MAD1L1: variants seen among roughly 807,000 people sequenced by gnomAD.
MAD1L1 encodes the protein mitotic arrest deficient 1 like 1, also known as mitotic spindle assembly checkpoint protein MAD1.
In MAD1L1, 95 loss-of-function variants were observed where a neutral mutation model predicts 96.9. That is an observed-to-expected ratio of 0.98 (90% CI 0.83 to 1.16). The LOEUF is 1.16. MAD1L1 is among the 50% of genes most tolerant of loss of function. The pLI, the probability that MAD1L1 is intolerant of heterozygous loss-of-function variation, is 0.00. For synonymous variants in MAD1L1, 473 were observed against 396.6 expected (o/e 1.19, Z -2.29); for missense variants, 1,007 against 954.4 (o/e 1.06, Z -0.73).
intron 6 of MAD1L1, 97 bp downstream of exon 6, chr7:2,219,235 G>A: frequency 1.7e-6 from 2 of 1,149,364 alleles, no homozygotes; most frequent in Non-Finnish European, 2.4e-6. Context: ...CAGCATCTGG[G>A]AGTGTATCCA....
chr7:1,964,976 G>A (rs566309418), intron 15 of MAD1L1, among the ~76,000 whole-genome samples: 84 of 152,280 alleles, frequency 5.5e-4, no homozygotes, highest in Middle Eastern at 6.8e-3. Context: ...AGCCTCCCAC[G>A]GGTCCCAGAC....
At chr7:2,171,073 A>C (rs371038302) in intron 10 of MAD1L1, among the ~76,000 whole-genome samples, 1 of 152,246 alleles carries the variant, frequency 6.6e-6, no homozygotes, top group East Asian at 1.9e-4. Flanking sequence ...AAAACGGCCC[A>C]ATTTTCCTTG....
intron 10 of MAD1L1, among the ~76,000 whole-genome samples, chr7:2,208,182 G>C (rs1792700714): frequency 6.6e-6 from 1 of 152,218 alleles, no homozygotes; most frequent in South Asian, 2.1e-4. Flanking sequence ...CATGGACTTT[G>C]ATGCCATCAT....
At chr7:2,033,130 A>T (rs1783305112) in intron 12 of MAD1L1, among the ~76,000 whole-genome samples, 1 of 152,168 alleles carries the variant, frequency 6.6e-6, no homozygotes, top group Admixed American at 6.5e-5. Flanking sequence ...CCCCACTCAT[A>T]CACTCGCCAG....
chr7:1,843,159 G>T (rs73046323), intron 18 of MAD1L1, among the ~76,000 whole-genome samples: 1 of 152,048 alleles, frequency 6.6e-6, no homozygotes, highest in Non-Finnish European at 1.5e-5. Context: ...GTGTAATTAG[G>T]GTCTGGGTGC....
intron 17 of MAD1L1, among the ~76,000 whole-genome samples, chr7:1,924,260 C>T (rs1479884630): frequency 2.6e-5 from 4 of 152,206 alleles, no homozygotes; most frequent in Non-Finnish European, 5.9e-5. Context: ...CACAGGAGTC[C>T]TTCTCGCGGC....
intron 18 of MAD1L1, among the ~76,000 whole-genome samples, chr7:1,895,467 G>A (rs1786807402): frequency 6.6e-6 from 1 of 152,184 alleles, no homozygotes; most frequent in African/African-American, 2.4e-5. Flanking sequence ...GCAGCTCTCA[G>A]CCCCGCCTGC....
At chr7:1,817,301 T>C (rs1781863826) in intron 18 of MAD1L1, among the ~76,000 whole-genome samples, 1 of 152,040 alleles carries the variant, frequency 6.6e-6, no homozygotes, top group East Asian at 1.9e-4. Flanking sequence ...GCAGAGTCCA[T>C]GGGCCCAGCA....
chr7:1,971,197 G>A (rs188801839), intron 15 of MAD1L1, among the ~76,000 whole-genome samples: 26 of 152,298 alleles, frequency 1.7e-4, no homozygotes, highest in African/African-American at 5.3e-4. Context: ...AGTGAGCCCC[G>A]CACAAACATC....
intron 11 of MAD1L1, among the ~76,000 whole-genome samples, chr7:2,081,023 C>T (rs531592801): frequency 6.4e-4 from 97 of 152,328 alleles, no homozygotes; most frequent in African/African-American, 2.1e-3. Context: ...CCTGGTTCCC[C>T]GTTCCTGAAG....
intron 12 of MAD1L1, among the ~76,000 whole-genome samples, chr7:2,030,794 C>T (rs1405375980): frequency 2.0e-5 from 3 of 152,218 alleles, no homozygotes; most frequent in African/African-American, 7.2e-5. Flanking sequence ...TGGGAGGCGC[C>T]CTGCTGTCAG....
chr7:1,825,190 C>A (rs1441971278), intron 18 of MAD1L1, among the ~76,000 whole-genome samples: 2 of 152,218 alleles, frequency 1.3e-5, no homozygotes, highest in Admixed American at 6.5e-5. Flanking sequence ...TTCCCCACTG[C>A]GGACACATGC....
intron 12 of MAD1L1, among the ~76,000 whole-genome samples, chr7:2,047,489 C>T (rs1348240037): frequency 6.6e-6 from 1 of 152,228 alleles, no homozygotes; most frequent in Non-Finnish European, 1.5e-5. Context: ...TTTAATACCT[C>T]CCAGTCTGAG....
intron 10 of MAD1L1, among the ~76,000 whole-genome samples, chr7:2,185,549 C>A (rs920392896): frequency 6.6e-5 from 10 of 151,880 alleles, no homozygotes; most frequent in African/African-American, 2.4e-4. Context: ...TTTAAAAGAC[C>A]ACATTGAATG....
chr7:2,051,240 G>A (rs1463980436), intron 12 of MAD1L1, among the ~76,000 whole-genome samples: 18 of 152,206 alleles, frequency 1.2e-4, no homozygotes, highest in Admixed American at 1.2e-3. Context: ...GCTGGATGAT[G>A]CCTGGCCTGG....
intron 13 of MAD1L1, among the ~76,000 whole-genome samples, chr7:2,013,829 G>A (rs528157701): frequency 2.6e-5 from 4 of 152,306 alleles, no homozygotes; most frequent in South Asian, 2.1e-4. Context: ...CGTGGCCTCC[G>A]CCCAGGCCCT....
intron 10 of MAD1L1, among the ~76,000 whole-genome samples, chr7:2,153,002 A>T (rs1789655970): frequency 6.6e-6 from 1 of 152,208 alleles, no homozygotes; most frequent in African/African-American, 2.4e-5. Context: ...AGTGTCAATC[A>T]AAAGAAAATG....
intron 9 of MAD1L1, 81 bp downstream of exon 9, chr7:2,215,804 G>A (rs570579506): frequency 1.6e-6 from 2 of 1,279,370 alleles, no homozygotes; most frequent in East Asian, 2.3e-5. Flanking sequence ...TGAGCAGCTG[G>A]TGGGCGTGAC....
At chr7:2,216,593 C>G (rs1393399292) in intron 7 of MAD1L1, among the ~76,000 whole-genome samples, 1 of 152,066 alleles carries the variant, frequency 6.6e-6, no homozygotes, top group Non-Finnish European at 1.5e-5. Context: ...CAAGAGTGAC[C>G]CTCGCATGAC....
Sources: gnomAD v4.1 joint callset for allele counts (sites outside exome capture counted in the v4.1 genomes callset) on GRCh38, gnomAD v4.1.1 for gene constraint, MANE v1.5 for transcripts, NCBI Gene and HGNC (gene_info 2026-07-23, HGNC 2026-07-21) for gene names.